Variants in LARP1B observed in about 807,000 individuals in gnomAD.
The protein encoded by LARP1B is La ribonucleoprotein 1B.
Under a neutral mutation model 114.2 loss-of-function variants are expected in LARP1B, and 76 were observed. That is an observed-to-expected ratio of 0.67 (90% CI 0.55 to 0.81). LARP1B has a LOEUF of 0.81. LARP1B is among the 30% of genes least tolerant of loss of function. The pLI is 0.00. For synonymous variants in LARP1B, 345 were observed against 348.0 expected (o/e 0.99, Z 0.10); for missense variants, 1,014 against 1,075.8 (o/e 0.94, Z 0.80).
At chr4:128,127,571 C>T (rs555252181) in intron 11 of LARP1B, among the ~76,000 whole-genome samples, 22 of 152,308 alleles carry the variant, frequency 1.4e-4, no homozygotes, top group Admixed American at 2.6e-4. Flanking sequence ...CGGTGGCTCA[C>T]GCCTGTAATC....
At chr4:128,083,260 C>T (rs1771361628) in intron 5 of LARP1B, among the ~76,000 whole-genome samples, 1 of 152,322 alleles carries the variant, frequency 6.6e-6, no homozygotes, top group African/African-American at 2.4e-5. Context: ...CAATCTTTTC[C>T]CCACCTTTCC....
intron 11 of LARP1B, among the ~76,000 whole-genome samples, chr4:128,127,572 G>A (rs927787506): frequency 7.2e-5 from 11 of 152,140 alleles, no homozygotes; most frequent in African/African-American, 2.4e-4. Context: ...GGTGGCTCAC[G>A]CCTGTAATCC....
intron 11 of LARP1B, among the ~76,000 whole-genome samples, chr4:128,142,202 G>T (rs1263990662): frequency 2.0e-5 from 3 of 152,184 alleles, no homozygotes; most frequent in Non-Finnish European, 4.4e-5. Context: ...TCCACTGGGA[G>T]TGCAGTTCTG....
At chr4:128,219,417 T>A (rs1759801053) in intron 6 of LARP1B, among the ~76,000 whole-genome samples, 1 of 67,462 alleles carries the variant, frequency 1.5e-5, no homozygotes, top group Non-Finnish European at 2.9e-5. Context: ...AATGATAGAC[T>A]GGATTAAGAA....
intron 11 of LARP1B, among the ~76,000 whole-genome samples, chr4:128,151,906 G>A (rs1477306957): frequency 6.6e-6 from 1 of 151,722 alleles, no homozygotes; most frequent in Non-Finnish European, 1.5e-5. Context: ...GCCCAGCCAG[G>A]TTAAGTATTT....
intron 10 of LARP1B, among the ~76,000 whole-genome samples, chr4:128,117,070 C>T (rs1278899916): frequency 6.6e-6 from 1 of 151,888 alleles, no homozygotes; most frequent in African/African-American, 2.4e-5. Flanking sequence ...TGCTATCATG[C>T]CCAGCTAATT....
intron 8 of LARP1B, among the ~76,000 whole-genome samples, chr4:128,098,767 A>ATATATATATATATATT (rs1328165907): frequency 1.1e-4 from 4 of 35,026 alleles, no homozygotes; most frequent in Admixed American, 4.7e-4. Context: ...ATATATATAT[A>ATATATATATATATATT]TTTTTTTTTT....
rs1760025613 is a variant in LARP1B at position 128,061,355 on chromosome 4, G to C, written c.-124G>C. The stretch of plus-strand genomic sequence containing the variant: ...CTCGCGCCTCCCCAACTCGGGTAAA[G>C]CTCCTCGGCCTCGGCGTGCTGCGCC... On this transcript the variant is annotated 5_prime_UTR_variant, in exon 1 of 20. Coordinates refer to ENST00000326639, the MANE Select transcript of LARP1B (RefSeq NM_018078.4). The C allele has an allele frequency of 6.6e-6, 1 of 152,244 alleles. No individual in the cohort carries two copies. Among genetic ancestry groups the C allele is most frequent in the African/African-American group, 2.4e-5 (1 of 41,446 alleles). The allele number at this position is 152,244 out of a possible 1,614,324, so 9.4% of individuals were successfully genotyped here.
chr4:128,174,012 T>TAAATG (rs1744905019), intron 12 of LARP1B, among the ~76,000 whole-genome samples: 1 of 152,254 alleles, frequency 6.6e-6, no homozygotes, highest in Non-Finnish European at 1.5e-5. Flanking sequence ...TGGAATTATA[T>TAAATG]GATACATAGT....
intron 11 of LARP1B, among the ~76,000 whole-genome samples, chr4:128,132,685 T>C (rs1371492736): frequency 6.6e-6 from 1 of 152,064 alleles, no homozygotes; most frequent in African/African-American, 2.4e-5. Context: ...AGACTACATA[T>C]TGTAGAGCAG....
intron 12 of LARP1B, among the ~76,000 whole-genome samples, chr4:128,164,640 A>G (rs1343254584): frequency 6.6e-6 from 1 of 152,164 alleles, no homozygotes; most frequent in Non-Finnish European, 1.5e-5. Context: ...GCAATACGCC[A>G]TATTATAACC....
In LARP1B at chr4:128,184,683, A is replaced by G. The variant is rs548930932; in HGVS notation, c.2003+5171A>G. ...ACTGTACTATAAAACACTAGGTCTC[A>G]TTTCTGGTATTAACTGTATTTTTGT... On this transcript the variant is annotated intron_variant, in intron 15 of 19. Coordinates refer to ENST00000326639, the MANE Select transcript of LARP1B (RefSeq NM_018078.4). 4.6e-5 allele frequency among the ~76,000 whole-genome samples: 7 copies of G among 152,174 alleles called. No individual in the cohort carries two copies. In the South Asian group the frequency reaches 1.0e-3, roughly 23 times the overall value.
At chr4:128,161,080 G>A (rs1436606840) in intron 11 of LARP1B, among the ~76,000 whole-genome samples, 2 of 152,190 alleles carry the variant, frequency 1.3e-5, no homozygotes, top group African/African-American at 2.4e-5. Flanking sequence ...GTACCATGTG[G>A]AGTAGATGTG....
intron 11 of LARP1B, among the ~76,000 whole-genome samples, chr4:128,126,113 C>CTTTT (rs76050129): frequency 1.5e-5 from 2 of 136,032 alleles, no homozygotes; most frequent in Non-Finnish European, 3.1e-5. Flanking sequence ...TTAAAATAAT[C>CTTTT]TTTTTTTTTT....
At chr4:128,079,006 A>AG (rs1411874480) in intron 4 of LARP1B, among the ~76,000 whole-genome samples, 2 of 152,028 alleles carry the variant, frequency 1.3e-5, no homozygotes, top group African/African-American at 4.8e-5. Flanking sequence ...ATGGCATGGG[A>AG]GGGAACATTT....
At chr4:128,106,967 A>G (rs777628894) in intron 8 of LARP1B, among the ~76,000 whole-genome samples, 172 bp from the exon 9 acceptor site, 17 of 152,182 alleles carry the variant, frequency 1.1e-4, no homozygotes, top group Non-Finnish European at 2.9e-5. Context: ...GTTACCTTAC[A>G]GGTGCAAATG....
chr4:128,166,298 A>G (rs954501449), intron 12 of LARP1B, among the ~76,000 whole-genome samples: 1 of 151,844 alleles, frequency 6.6e-6, no homozygotes, highest in African/African-American at 2.4e-5. Context: ...ATTCATATAT[A>G]TTTAAAATAT....
chr4:128,181,179 TC>T (rs1748220690), intron 15 of LARP1B, among the ~76,000 whole-genome samples: 1 of 105,204 alleles, frequency 9.5e-6, no homozygotes, highest in African/African-American at 2.9e-5. Context: ...TCTCATCCAT[TC>T]TTTTTTTTTT....
intron 16 of LARP1B, among the ~76,000 whole-genome samples, chr4:128,200,112 CTCT>C (rs1420321280): frequency 6.6e-6 from 1 of 152,074 alleles, no homozygotes; most frequent in African/African-American, 2.4e-5. Context: ...ATTTATTATA[CTCT>C]TCTTGTTGCT....
Sources: allele counts gnomAD v4.1 joint callset (sites outside exome capture counted in the v4.1 genomes callset), GRCh38; gene constraint gnomAD v4.1.1; transcripts MANE v1.5; gene names NCBI Gene and HGNC (gene_info 2026-07-23, HGNC 2026-07-21).